FAM174B: variants seen among roughly 807,000 people sequenced by gnomAD.
FAM174B encodes the protein membrane protein FAM174B.
A neutral mutation model predicts 10.9 loss-of-function variants in FAM174B; 12 were observed. The ratio of observed to expected loss-of-function variants is 1.10; its 90% CI spans 0.71 to 1.79. FAM174B has a LOEUF of 1.79. FAM174B is among the 40% of genes most tolerant of loss of function. The probability of loss-of-function intolerance (pLI) is 0.00; values close to 1 mark genes in which losing one functional copy is unlikely to be tolerated. For missense variants in FAM174B, 266 were observed against 233.3 expected, an observed-to-expected ratio of 1.14 and a Z score of -0.91; for synonymous variants, 132 against 115.8, an observed-to-expected ratio of 1.14 and a Z score of -0.90.
intron 1 of FAM174B, among the ~76,000 whole-genome samples, chr15:92,641,208 A>G (rs1010913898): frequency 3.9e-5 from 6 of 152,326 alleles, no homozygotes; most frequent in Non-Finnish European, 7.3e-5. Flanking sequence ...AAAAATAGAA[A>G]TGTCTGAAAA....
chr15:92,634,520 T>G (rs1193545130), intron 1 of FAM174B: 1 of 152,192 alleles, frequency 6.6e-6, no homozygotes, highest in African/African-American at 2.4e-5. Context: ...CCTGCTGAGC[T>G]AAAATAAGGC....
chr15:92,647,227 T>C lies in FAM174B; in HGVS notation c.344+8089A>G, dbSNP rs544012883. Reference sequence around the variant, plus strand: ...AAACCCTACCCTCAGCAAAGCTTGCTTCACCCATCTGGTCCTGGAAGAACC... The same window carrying C: ...AAACCCTACCCTCAGCAAAGCTTGCCTCACCCATCTGGTCCTGGAAGAACC... On this transcript the variant is annotated intron_variant, in intron 1 of 2. Coordinates refer to ENST00000327355, the MANE Select transcript of FAM174B (RefSeq NM_207446.3). Among the ~76,000 whole-genome samples the C allele has an allele frequency of 2.6e-4, 39 of 152,330 alleles. No homozygotes were observed. The South Asian group carries it at 4.8e-3, about 19-fold the overall frequency.
chr15:92,636,036 TC>T (rs1449532527), intron 1 of FAM174B, among the ~76,000 whole-genome samples: 4 of 152,172 alleles, frequency 2.6e-5, no homozygotes, highest in African/African-American at 9.7e-5. Context: ...CAGTTCTGCC[TC>T]AGAGAGAGAG....
At chr15:92,633,329 GTCTTC>G (rs776462510) in intron 1 of FAM174B, among the ~76,000 whole-genome samples, 24 of 152,222 alleles carry the variant, frequency 1.6e-4, no homozygotes, top group South Asian at 6.2e-4. Context: ...CAGCAACTTG[GTCTTC>G]TCTTAACTGA....
chr15:92,618,880 C>T lies in FAM174B; in HGVS notation c.*576G>A, dbSNP rs1440899965. On this transcript the variant is annotated 3_prime_UTR_variant, in exon 3 of 3. Coordinates refer to ENST00000327355, the MANE Select transcript of FAM174B (RefSeq NM_207446.3). ...AGGAAGAAAGAAAAGGAGCCACAGA[C>T]GTGTCCAGGTCTGGAAGGGGCTGAC... The T allele has an allele frequency of 4.5e-5, 12 of 264,048 alleles. No homozygotes were observed. Among genetic ancestry groups the T allele is most frequent in the Non-Finnish European group, 6.3e-5 (9 of 142,438 alleles). The allele number at this position is 264,048 out of a possible 1,614,324, so 16.4% of individuals were successfully genotyped here.
chr15:92,655,744 G>C lies in FAM174B; in HGVS notation c.-85C>G. On this transcript the variant is annotated 5_prime_UTR_variant, in exon 1 of 3. It adds an upstream start codon to the 5' untranslated region. Coordinates refer to ENST00000327355, the MANE Select transcript of FAM174B (RefSeq NM_207446.3). ...ACCAGCACGGAGGCCTGCACCGGGGGATCCTGCGGCGGAGGCGGCTGCGCG... is the reference window on the plus strand; with the variant it reads ...ACCAGCACGGAGGCCTGCACCGGGGCATCCTGCGGCGGAGGCGGCTGCGCG... 1 of 1,131,890 alleles carries C rather than the reference G, an allele frequency of 8.8e-7. No homozygotes were observed. Among genetic ancestry groups the C allele is most frequent in the African/African-American group, 1.6e-5 (1 of 61,638 alleles). The allele number at this position is 1,131,890 out of a possible 1,614,324, so 70.1% of individuals were successfully genotyped here.
At chr15:92,627,200 T>C (rs1018080659) in intron 2 of FAM174B, 5 of 152,880 alleles carry the variant, frequency 3.3e-5, no homozygotes, top group Middle Eastern at 3.4e-3. Context: ...TCACTAACTT[T>C]TGCCCTCGCA....
intron 1 of FAM174B, among the ~76,000 whole-genome samples, chr15:92,649,121 A>G (rs116159089): frequency 0.011 from 1,691 of 152,304 alleles, 30 homozygotes; most frequent in African/African-American, 0.039. Context: ...CTGGTGTCTC[A>G]AGAAGAACCT....
intron 1 of FAM174B, among the ~76,000 whole-genome samples, chr15:92,643,825 C>T (rs1048581760): frequency 1.4e-4 from 22 of 152,244 alleles, no homozygotes; most frequent in Middle Eastern, 6.8e-3. Context: ...CAAGGACCAG[C>T]GTTCTGCCAA....
chr15:92,625,417 G>A (rs1787738136), intron 2 of FAM174B, among the ~76,000 whole-genome samples: 1 of 152,202 alleles, frequency 6.6e-6, no homozygotes, highest in African/African-American at 2.4e-5. Context: ...TGATTCATCT[G>A]ATTTAAATGT....
rs2050996267 is a variant in FAM174B, at chr15:92,655,409, A to G, written c.251T>C (p.Leu84Pro). The change falls in exon 1 of 3, where the codon CTC (leucine) becomes CCC (proline). Residue 84 changes from leucine to proline, a missense_variant. By Grantham distance (98) the Leu-to-Pro change is moderately conservative (BLOSUM62 -3). Coordinates refer to ENST00000327355, the MANE Select transcript of FAM174B (RefSeq NM_207446.3). ...GDALVTRISI[L>P]LRDLPTLKAA... ...CTTGAGGGTGGGTAGGTCGCGGAGG[A>G]GGATGGAAATGCGGGTCACCAAGGC... The G allele has an allele frequency of 1.9e-6, 3 of 1,600,614 alleles. No individual in the cohort carries two copies. The highest frequency in any genetic ancestry group is 2.6e-6 in the Non-Finnish European group (3 of 1,174,810).
Position 92,619,037 on chromosome 15 carries a change from G to GTATCATTAA in FAM174B, c.*418_*419insTTAATGATA. ...GTAGATCCAGTAGAGAAGAATGTCG[G>GTATCATTAA]AAATTCTAAATACACAGTTGGACAT... On this transcript the variant is annotated 3_prime_UTR_variant, in exon 3 of 3. Transcript: ENST00000327355. 4 of 525,600 alleles carry GTATCATTAA rather than the reference G, an allele frequency of 7.6e-6. No individual in the cohort carries two copies. Among genetic ancestry groups the GTATCATTAA allele is most frequent in the Admixed American group, 3.4e-5 (1 of 29,424 alleles). The allele number at this position is 525,600 out of a possible 1,614,324, so 32.6% of individuals were successfully genotyped here.
intron 2 of FAM174B, among the ~76,000 whole-genome samples, chr15:92,620,814 CAAAAAAA>C (rs34607670): frequency 4.2e-5 from 3 of 71,388 alleles, no homozygotes; most frequent in Non-Finnish European, 7.3e-5. Context: ...GACTCTGTCT[CAAAAAAA>C]AAAAAAAAAA....
chr15:92,625,322 A>C (rs901238901), intron 2 of FAM174B, among the ~76,000 whole-genome samples: 1 of 152,234 alleles, frequency 6.6e-6, no homozygotes, highest in Admixed American at 6.5e-5. Context: ...CTGGGAAATA[A>C]GAAGCAGGTT....
At chr15:92,621,767 G>A (rs2050721052) in intron 2 of FAM174B, among the ~76,000 whole-genome samples, 1 of 152,028 alleles carries the variant, frequency 6.6e-6, no homozygotes, top group South Asian at 2.1e-4. Context: ...TGTGGGTTGG[G>A]GAGTCGGGGG....
At position 92,651,475 on chromosome 15, in the gene FAM174B, CACAG is replaced by C. The variant is rs756180817; in HGVS notation, c.344+3837_344+3840del. ...AAAAAATATGATAATCACCCACATG[CACAG>C]ACACACAGATTTATCTGCACATTCG... On this transcript the variant is annotated intron_variant, in intron 1 of 2. Coordinates refer to ENST00000327355, the MANE Select transcript of FAM174B (RefSeq NM_207446.3). Among the ~76,000 whole-genome samples, 7 of 152,368 alleles carry C rather than the reference CACAG, an allele frequency of 4.6e-5. No individual in the cohort carries two copies. The East Asian group carries it at 7.7e-4, about 17-fold the overall frequency.
intron 1 of FAM174B, among the ~76,000 whole-genome samples, chr15:92,637,487 C>A (rs938703184): frequency 6.6e-6 from 1 of 152,202 alleles, no homozygotes; most frequent in African/African-American, 2.4e-5. Context: ...GCCTCGAGGT[C>A]TCAGGGAAGG....
At chr15:92,637,990 G>T (rs1278332634) in intron 1 of FAM174B, among the ~76,000 whole-genome samples, 1 of 152,210 alleles carries the variant, frequency 6.6e-6, no homozygotes, top group Non-Finnish European at 1.5e-5. Context: ...ACTGGGTGGT[G>T]CTGGGGGCCA....
chr15:92,640,551 CAAAAAAAAAAAAA>C (rs60865026), intron 1 of FAM174B, among the ~76,000 whole-genome samples: 24 of 67,668 alleles, frequency 3.5e-4, no homozygotes, highest in South Asian at 9.2e-4. Context: ...GACTCCATCT[CAAAAAAAAAAAAA>C]AAAAAAAAAA....
Sources: allele counts gnomAD v4.1 joint callset (sites outside exome capture counted in the v4.1 genomes callset), GRCh38; gene constraint gnomAD v4.1.1; transcripts MANE v1.5; gene names NCBI Gene and HGNC (gene_info 2026-07-23, HGNC 2026-07-21).